The following CRYBB2 variants were observed in gnomAD, a reference collection of about 807,000 sequenced individuals.
CRYBB2 encodes the protein crystallin beta B2.
Under a neutral mutation model 24.3 loss-of-function variants are expected in CRYBB2, and 12 were observed. The observed-to-expected ratio is 0.49, with a 90% CI of 0.32 to 0.80. The LOEUF (loss-of-function observed/expected upper bound fraction) is 0.80, where lower values mean the gene tolerates loss of function less well. CRYBB2 is among the 30% of genes least tolerant of loss of function. The pLI is 0.04. For missense variants in CRYBB2, 198 were observed against 268.5 expected (o/e 0.74, Z 1.83); for synonymous variants, 98 against 101.6 (o/e 0.96, Z 0.21).
At chr22:25,218,213 C>A (rs147726651), upstream of CRYBB2, among the ~76,000 whole-genome samples, 9,984 of 150,514 alleles carry the variant, frequency 0.066, 394 homozygotes, top group South Asian at 0.15. Flanking sequence ...GAGCTGAGAT[C>A]GTGCCACTGC....
chr22:25,215,951 C>T (rs575794023), upstream of CRYBB2, among the ~76,000 whole-genome samples: 4 of 152,276 alleles, frequency 2.6e-5, no homozygotes, highest in East Asian at 5.8e-4. Flanking sequence ...GGGCAAGTGG[C>T]TTAGTCTCTC....
At chr22:25,222,296 G>A (rs1935335064) in intron 2 of CRYBB2, among the ~76,000 whole-genome samples, 1 of 152,138 alleles carries the variant, frequency 6.6e-6, no homozygotes, top group African/African-American at 2.4e-5. Context: ...CCAGAAGAAG[G>A]ACAGACAATA....
chr22:25,218,722 G>GAGAA (rs1157042860), upstream of CRYBB2, among the ~76,000 whole-genome samples: 5 of 119,830 alleles, frequency 4.2e-5, no homozygotes, highest in Admixed American at 9.0e-5. Flanking sequence ...GAGAGAGAGA[G>GAGAA]AGAGAGAGAG....
In CRYBB2 at chr22:25,231,813, C is replaced by T. The variant is rs766512854; in HGVS notation, c.*41C>T. The T allele has an allele frequency of 1.3e-6, 2 of 1,598,390 alleles. No individual in the cohort carries two copies. Among genetic ancestry groups the T allele is most frequent in the Non-Finnish European group, 1.7e-6 (2 of 1,165,792 alleles). Reference sequence around the variant, plus strand: ...GCCTCCTTCCCAGGACCCAGGTCTGCTGCCCAGGAACCCTCCAGACCTCCC... The same window carrying T: ...GCCTCCTTCCCAGGACCCAGGTCTGTTGCCCAGGAACCCTCCAGACCTCCC... On this transcript the variant is annotated 3_prime_UTR_variant, in exon 6 of 6. Transcript: ENST00000398215.
chr22:25,231,193 C>T (rs923032258), intron 5 of CRYBB2, among the ~76,000 whole-genome samples: 1 of 152,118 alleles, frequency 6.6e-6, no homozygotes, highest in Non-Finnish European at 1.5e-5. Context: ...GCCCCTGGAA[C>T]CTCCCCCAAC....
In CRYBB2 at chr22:25,231,535, C is replaced by T. The variant is rs118129164; in HGVS notation, c.450-69C>T. The T allele has an allele frequency of 0.011, 16,274 of 1,454,880 alleles. 109 individuals are homozygous for T. Among genetic ancestry groups the T allele is most frequent in the Non-Finnish European group, 0.014 (14,201 of 1,035,078 alleles). 90.1% of individuals were successfully genotyped at this position (1,454,880 alleles called of 1,614,324 possible). A position where few individuals can be genotyped will look rare whatever the true frequency, so the allele number is the denominator to read the frequency against. Reference sequence around the variant, plus strand: ...TATGGATGCTCTATCTCTCTCCCCTCGCCTCTCTCTCTGTCTGCTTCTCTT... The same window carrying T: ...TATGGATGCTCTATCTCTCTCCCCTTGCCTCTCTCTCTGTCTGCTTCTCTT... On this transcript the variant is annotated intron_variant, in intron 5 of 5. Transcript: ENST00000398215.
intron 3 of CRYBB2, among the ~76,000 whole-genome samples, chr22:25,226,926 G>A (rs1435226018): frequency 2.0e-5 from 3 of 152,018 alleles, no homozygotes; most frequent in Admixed American, 1.3e-4. Context: ...CGCTCACCTC[G>A]GCCTCCCAAA....
upstream of CRYBB2, among the ~76,000 whole-genome samples, chr22:25,218,730 GAGAGGGGA>G (rs1319764775): frequency 2.1e-5 from 2 of 96,036 alleles, no homozygotes; most frequent in African/African-American, 9.5e-5. Flanking sequence ...GAGAGAGAGA[GAGAGGGGA>G]GAGAGAGAGA....
At chr22:25,229,630 G>A (rs1208090523) in intron 5 of CRYBB2, 52 bp downstream of exon 5, 1 of 1,604,254 alleles carries the variant, frequency 6.2e-7, no homozygotes, top group South Asian at 1.1e-5. Flanking sequence ...TGAGACTCTG[G>A]GGTCCTAAGT....
chr22:25,216,784 C>T (rs182640979), upstream of CRYBB2, among the ~76,000 whole-genome samples: 11 of 152,304 alleles, frequency 7.2e-5, no homozygotes, highest in African/African-American at 2.6e-4. Flanking sequence ...ACTCCCCATT[C>T]CCCGCTCCTC....
upstream of CRYBB2, among the ~76,000 whole-genome samples, chr22:25,218,564 G>T (rs1468044185): frequency 6.6e-6 from 1 of 150,992 alleles, no homozygotes; most frequent in African/African-American, 2.4e-5. Context: ...TACTGGTGAG[G>T]CTGAGGCAGG....
At chr22:25,220,212 T>C (rs1935295668) in intron 1 of CRYBB2, among the ~76,000 whole-genome samples, 2 of 152,226 alleles carry the variant, frequency 1.3e-5, no homozygotes, top group East Asian at 1.9e-4. Flanking sequence ...TGCCATTTGC[T>C]GCATGCTGAG....
At chr22:25,220,737 G>A (rs1331857393) in intron 1 of CRYBB2, among the ~76,000 whole-genome samples, 1 of 152,190 alleles carries the variant, frequency 6.6e-6, no homozygotes, top group Non-Finnish European at 1.5e-5. Context: ...CTTTTCTGAT[G>A]TTCTCACTAG....
upstream of CRYBB2, among the ~76,000 whole-genome samples, chr22:25,218,142 C>T (rs932052480): frequency 1.3e-5 from 2 of 150,800 alleles, no homozygotes; most frequent in African/African-American, 4.9e-5. Context: ...GCCTGTAGTC[C>T]CAGCTACTAG....
At chr22:25,227,718 G>T in intron 3 of CRYBB2, 135 bp from the exon 4 acceptor site, 1 of 1,483,462 alleles carries the variant, frequency 6.7e-7, no homozygotes, top group East Asian at 2.3e-5. Flanking sequence ...CTGTGCTAAG[G>T]TTTGGGTGGG....
In CRYBB2 at chr22:25,225,156, C is replaced by A. The variant is rs9306412; in HGVS notation, c.173+120C>A. ...CTGGGAACCAAGTTTTGGGGTCTGG[C>A]AGCCTATGGAGATAATTCATGCTTT... On this transcript the variant is annotated intron_variant, in intron 3 of 5. Transcript: ENST00000398215. 161,023 of 755,972 alleles carry A rather than the reference C, an allele frequency of 0.21. 18,886 individuals carry two copies. Among genetic ancestry groups the A allele is most frequent in the Non-Finnish European group, 0.25 (103,524 of 407,990 alleles). The allele number at this position is 755,972 out of a possible 1,614,324, so 46.8% of individuals were successfully genotyped here.
At chr22:25,214,857 G>A (rs1297369027), upstream of CRYBB2, among the ~76,000 whole-genome samples, 1 of 152,172 alleles carries the variant, frequency 6.6e-6, no homozygotes, top group East Asian at 1.9e-4. Context: ...GTGGCTGTGA[G>A]CCTTTGGGCA....
chr22:25,212,200 C>G (rs1317966901), upstream of CRYBB2, among the ~76,000 whole-genome samples: 1 of 152,214 alleles, frequency 6.6e-6, no homozygotes, highest in African/African-American at 2.4e-5. Flanking sequence ...ACACAGGATG[C>G]TGAAGACATG....
chr22:25,218,708 G>C (rs1342228082), upstream of CRYBB2, among the ~76,000 whole-genome samples: 2 of 36,446 alleles, frequency 5.5e-5, no homozygotes, highest in Non-Finnish European at 1.1e-4. Flanking sequence ...GAGAGAGGGG[G>C]AGAGAGAGAG....
Sources: gnomAD v4.1 joint callset for allele counts (sites outside exome capture counted in the v4.1 genomes callset) on GRCh38, gnomAD v4.1.1 for gene constraint, MANE v1.5 for transcripts, NCBI Gene and HGNC (gene_info 2026-07-23, HGNC 2026-07-21) for gene names.